The following RIN2 variants were observed in gnomAD, a reference collection of about 807,000 sequenced individuals.
RIN2 encodes RAB5 interacting protein 2.
A neutral mutation model predicts 78.0 loss-of-function variants in RIN2; 36 were observed. The observed-to-expected ratio is 0.46, with a 90% CI of 0.35 to 0.61. The LOEUF (loss-of-function observed/expected upper bound fraction) is 0.61, where lower values mean the gene tolerates loss of function less well. Ranked by LOEUF, RIN2 falls within the 20% of genes least tolerant of loss-of-function variation. The probability of loss-of-function intolerance (pLI) is 0.00; values close to 1 mark genes in which losing one functional copy is unlikely to be tolerated. For missense variants in RIN2, 1,087 were observed against 1,159.7 expected, an observed-to-expected ratio of 0.94 and a Z score of 0.91; for synonymous variants, 466 against 466.8, an observed-to-expected ratio of 1.00 and a Z score of 0.02.
chr20:19,889,389 C>T lies in RIN2; in HGVS notation c.-36-177C>T, dbSNP rs528986095. On this transcript the variant is annotated intron_variant, in intron 2 of 12. Transcript: ENST00000255006. ...GCGAGGTGGGGCAGTCTAGGAACTG[C>T]GCTGGTGGGGACAGGAAATTGGGCT... 84 of 1,204,070 alleles carry T rather than the reference C, an allele frequency of 7.0e-5. No homozygotes were observed. In the East Asian group the frequency reaches 8.3e-4, roughly 12 times the overall value. The allele number at this position is 1,204,070 out of a possible 1,614,324, so 74.6% of individuals were successfully genotyped here.
intron 2 of RIN2, among the ~76,000 whole-genome samples, chr20:19,814,569 TA>T (rs1174782737): frequency 6.6e-6 from 1 of 152,204 alleles, no homozygotes; most frequent in Non-Finnish European, 1.5e-5. Context: ...CTCATGTGAT[TA>T]AAGTCATTCA....
intron 1 of RIN2, among the ~76,000 whole-genome samples, chr20:19,777,160 A>T (rs1232764937): frequency 6.6e-6 from 1 of 152,148 alleles, no homozygotes; most frequent in South Asian, 2.1e-4. Flanking sequence ...GTCTTTTTAA[A>T]TGTAGGAGGT....
chr20:19,962,665 A>G (rs967041352), intron 6 of RIN2, among the ~76,000 whole-genome samples: 6 of 152,216 alleles, frequency 3.9e-5, no homozygotes, highest in African/African-American at 7.2e-5. Flanking sequence ...GGGCCTGTTT[A>G]TCTTCTCTGT....
Position 19,844,669 on chromosome 20 carries a change from CCTTCTT to C in RIN2, c.-36-44886_-36-44881del, listed in dbSNP as rs1368765318. 6.3e-4 allele frequency among the ~76,000 whole-genome samples: 48 copies of C among 76,162 alleles called. 1 individual carries two copies. Among genetic ancestry groups the C allele is most frequent in the Non-Finnish European group, 5.1e-4 (20 of 39,362 alleles). 50.0% of individuals were successfully genotyped at this position (76,162 alleles called of 152,430 possible). A position where few individuals can be genotyped will look rare whatever the true frequency, so the allele number is the denominator to read the frequency against. On this transcript the variant is annotated intron_variant, in intron 2 of 12. Transcript: ENST00000255006. Reference sequence around the variant, plus strand: ...TCTTCTTCTTCTTCTTCTTCTTCTTCCTTCTTCTTCTTCTTCCTCTTCCTCTTCCTC... The same window carrying C: ...TCTTCTTCTTCTTCTTCTTCTTCTTCCTTCTTCTTCCTCTTCCTCTTCCTC...
intron 3 of RIN2, among the ~76,000 whole-genome samples, chr20:19,928,702 C>T (rs2040325987): frequency 6.6e-6 from 1 of 152,128 alleles, no homozygotes; most frequent in South Asian, 2.1e-4. Flanking sequence ...CAGGTGAACA[C>T]CTCAGGCTTC....
chr20:19,981,363 A>G (rs6035498), intron 9 of RIN2, among the ~76,000 whole-genome samples: 2,867 of 152,232 alleles, frequency 0.019, 98 homozygotes, highest in African/African-American at 0.066. Context: ...GACCCAGGCC[A>G]TGTATGCCAG....
At chr20:19,810,274 G>A (rs6046333) in intron 2 of RIN2, among the ~76,000 whole-genome samples, 49 of 151,986 alleles carry the variant, frequency 3.2e-4, no homozygotes, top group African/African-American at 1.1e-3. Flanking sequence ...CAGGTGTGGT[G>A]GTGCATGCCT....
intron 2 of RIN2, among the ~76,000 whole-genome samples, chr20:19,861,196 A>T (rs2037322539): frequency 6.6e-6 from 1 of 152,086 alleles, no homozygotes; most frequent in Non-Finnish European, 1.5e-5. Context: ...GATCCTGTCC[A>T]CCTCCTAAAC....
At chr20:19,871,937 C>T (rs2037702796) in intron 2 of RIN2, 1 of 152,046 alleles carries the variant, frequency 6.6e-6, no homozygotes, top group Non-Finnish European at 1.5e-5. Context: ...ATTATGGGGG[C>T]AGTGCTCAGG....
At chr20:19,805,073 T>C (rs2035362356) in intron 2 of RIN2, among the ~76,000 whole-genome samples, 1 of 152,208 alleles carries the variant, frequency 6.6e-6, no homozygotes, top group African/African-American at 2.4e-5. Context: ...ACTGAAGCAC[T>C]GAGAAGTCAA....
chr20:19,832,859 G>T (rs1008891660), intron 2 of RIN2, among the ~76,000 whole-genome samples: 1 of 151,978 alleles, frequency 6.6e-6, no homozygotes, highest in Non-Finnish European at 1.5e-5. Context: ...TATTCATAAG[G>T]GCAGGTCCCT....
chr20:19,829,758 G>T (rs1436801477), intron 2 of RIN2, among the ~76,000 whole-genome samples: 1 of 152,184 alleles, frequency 6.6e-6, no homozygotes, highest in Non-Finnish European at 1.5e-5. Flanking sequence ...CCCACCAAGG[G>T]GTTGGCCACT....
At chr20:19,899,309 A>C (rs1398757253) in intron 3 of RIN2, among the ~76,000 whole-genome samples, 1 of 152,204 alleles carries the variant, frequency 6.6e-6, no homozygotes, top group Non-Finnish European at 1.5e-5. Context: ...TCTAATCCCT[A>C]AACTCAGATA....
chr20:19,995,563 G>A (rs1045673517), intron 11 of RIN2, among the ~76,000 whole-genome samples: 3 of 152,046 alleles, frequency 2.0e-5, no homozygotes, highest in South Asian at 2.1e-4. Flanking sequence ...TTACAGTGTC[G>A]TCAGCCCTTT....
At chr20:19,794,961 C>T (rs932526641) in intron 1 of RIN2, among the ~76,000 whole-genome samples, 13 of 152,158 alleles carry the variant, frequency 8.5e-5, no homozygotes, top group Non-Finnish European at 1.9e-4. Flanking sequence ...CTTCAGTTGT[C>T]TTTAGAGAAA....
chr20:19,847,678 A>G (rs1017972829), intron 2 of RIN2, among the ~76,000 whole-genome samples: 2 of 152,190 alleles, frequency 1.3e-5, no homozygotes, highest in African/African-American at 4.8e-5. Context: ...GAGATAAAAT[A>G]TCTCATTTTT....
intron 2 of RIN2, among the ~76,000 whole-genome samples, chr20:19,811,330 C>G (rs1207287400): frequency 6.6e-6 from 1 of 152,158 alleles, no homozygotes. Context: ...TGGTTTTACC[C>G]ACAGAGTAAG....
chr20:19,772,877 C>T (rs566877957), intron 1 of RIN2, among the ~76,000 whole-genome samples: 1 of 152,352 alleles, frequency 6.6e-6, no homozygotes, highest in South Asian at 2.1e-4. Flanking sequence ...TGTCAAACAC[C>T]AGGACCTACA....
chr20:19,881,305 G>C (rs2038020998), intron 2 of RIN2, among the ~76,000 whole-genome samples: 1 of 152,060 alleles, frequency 6.6e-6, no homozygotes, highest in African/African-American at 2.4e-5. Context: ...TAAAACCCGG[G>C]GCTTTTATTT....
Sources: allele counts gnomAD v4.1 joint callset (sites outside exome capture counted in the v4.1 genomes callset), GRCh38; gene constraint gnomAD v4.1.1; transcripts MANE v1.5; gene names NCBI Gene and HGNC (gene_info 2026-07-23, HGNC 2026-07-21).